TUT4: variants seen among roughly 807,000 people sequenced by gnomAD.
The protein encoded by TUT4 is terminal uridylyltransferase 4.
TUT4 carries 36 observed loss-of-function variants against 192.2 expected under a neutral mutation model. The observed-to-expected ratio is 0.19, with a 90% confidence interval of 0.14 to 0.25. The LOEUF is 0.25. TUT4 is among the 10% of genes least tolerant of loss of function. The pLI is 1.00. For missense variants in TUT4, 1,493 were observed against 1,957.2 expected, an observed-to-expected ratio of 0.76 and a Z score of 4.47; for synonymous variants, 618 against 666.0, an observed-to-expected ratio of 0.93 and a Z score of 1.11.
At chr1:52,489,744 T>C (rs1257088450) in intron 8 of TUT4, among the ~76,000 whole-genome samples, 1 of 152,198 alleles carries the variant, frequency 6.6e-6, no homozygotes. Context: ...TTTCCAATTA[T>C]AGTTTCCCCC....
intron 27 of TUT4, chr1:52,434,492 G>A (rs1480326260): frequency 6.6e-6 from 1 of 152,138 alleles, no homozygotes; most frequent in Non-Finnish European, 1.5e-5. Context: ...GAAGTACAAG[G>A]TGAATATAGA....
At chr1:52,428,664 G>C (rs866501749) in intron 28 of TUT4, among the ~76,000 whole-genome samples, 11 of 151,098 alleles carry the variant, frequency 7.3e-5, no homozygotes, top group African/African-American at 2.4e-4. Flanking sequence ...GGGCATGGTG[G>C]TGCGCACCTG....
chr1:52,435,898 T>A (rs748727040), intron 26 of TUT4, among the ~76,000 whole-genome samples: 46 of 150,324 alleles, frequency 3.1e-4, no homozygotes, highest in Admixed American at 5.3e-4. Context: ...AACAAGAGTC[T>A]GTCTCTCTCT....
intron 11 of TUT4, 29 bp from the exon 12 acceptor site, chr1:52,477,911 A>G: frequency 1.9e-6 from 3 of 1,547,926 alleles, no homozygotes; most frequent in Non-Finnish European, 2.6e-6. Context: ...TTTTCATTTA[A>G]GCTTAACAAA....
intron 24 of TUT4, among the ~76,000 whole-genome samples, chr1:52,441,282 CTTTTT>C (rs201555130): frequency 8.5e-6 from 1 of 118,222 alleles, no homozygotes. Flanking sequence ...GGGCATATGG[CTTTTT>C]TTTTTTTTTT....
chr1:52,493,134 A>G (rs1431970811), intron 7 of TUT4, among the ~76,000 whole-genome samples: 1 of 152,154 alleles, frequency 6.6e-6, no homozygotes, highest in Non-Finnish European at 1.5e-5. Flanking sequence ...CCCAGGCTGG[A>G]GTGTAGCAGC....
chr1:52,473,387 T>C (rs1161614445), intron 13 of TUT4, among the ~76,000 whole-genome samples: 2 of 152,172 alleles, frequency 1.3e-5, no homozygotes, highest in Admixed American at 6.5e-5. Context: ...TACTGTATTA[T>C]ATTCTTAAAT....
At chr1:52,425,242 T>A in intron 29 of TUT4, 107 bp downstream of exon 29, 1 of 1,354,488 alleles carries the variant, frequency 7.4e-7, no homozygotes, top group Admixed American at 2.3e-5. Context: ...CAGTAAATGT[T>A]TACTGAATTC....
chr1:52,490,698 T>C, intron 8 of TUT4, 34 bp downstream of exon 8: 2 of 1,572,846 alleles, frequency 1.3e-6, no homozygotes, highest in Non-Finnish European at 1.7e-6. Context: ...TTGGGGTTTG[T>C]TTTTTTAAAT....
At position 52,435,459 on chromosome 1, in the gene TUT4, T is replaced by G; in HGVS notation, c.4169A>C (p.Gln1390Pro). 3 of 1,614,086 alleles carry G rather than the reference T, an allele frequency of 1.9e-6. No individual in the cohort carries two copies. Among genetic ancestry groups the G allele is most frequent in the Non-Finnish European group, 2.5e-6 (3 of 1,179,944 alleles). ...AGCATTTACAAGGTTGCGGACCAGC[T>G]GGGCTGCTAAGAGAAGGCATCACAA... ...RQRNSSVAAA[Q>P]LVRNLVNAQQ... Residue 1390 changes from glutamine (Q) to proline (P), a missense_variant, in exon 27 of 30, where the codon CAG (glutamine) becomes CCG (proline). This residue lies in a region of TUT4 where 351 missense variants were observed against 397.8 expected (regional missense o/e 0.88). Transcript: ENST00000257177.
chr1:52,458,601 G>C (rs920595685), intron 19 of TUT4, 152 bp from the exon 20 acceptor site: 14 of 526,864 alleles, frequency 2.7e-5, no homozygotes, highest in Admixed American at 3.7e-5. Flanking sequence ...CAACACTCTG[G>C]GAGGTTGAGG....
intron 20 of TUT4, among the ~76,000 whole-genome samples, chr1:52,453,364 A>G (rs992403162): frequency 6.6e-6 from 1 of 151,896 alleles, no homozygotes; most frequent in Non-Finnish European, 1.5e-5. Context: ...CATGGGTGAC[A>G]AGAGCGAAAC....
At position 52,439,846 on chromosome 1, in the gene TUT4, T is replaced by C. The variant is rs895277293; in HGVS notation, c.3823-1511A>G. Among the ~76,000 whole-genome samples the C allele has an allele frequency of 2.0e-5, 3 of 152,192 alleles. No homozygotes were observed. The East Asian group carries it at 5.8e-4, about 29-fold the overall frequency. ...ATATTCACAACAGCATTATTCATAA[T>C]AGCCAAAAAGTAGAAACAACTCAAA... On this transcript the variant is annotated intron_variant, in intron 24 of 29. Transcript: ENST00000257177.
intron 9 of TUT4, among the ~76,000 whole-genome samples, chr1:52,484,979 A>G (rs1402169082): frequency 1.3e-5 from 2 of 152,168 alleles, no homozygotes; most frequent in Non-Finnish European, 2.9e-5. Flanking sequence ...GCTCTAGCAG[A>G]TATTATTATT....
chr1:52,544,122 C>A (rs1270679525), intron 1 of TUT4, among the ~76,000 whole-genome samples: 1 of 151,714 alleles, frequency 6.6e-6, no homozygotes, highest in African/African-American at 2.4e-5. Flanking sequence ...CCCGTCTCTA[C>A]TAAAAATACA....
rs777171145 is a variant in TUT4, at chr1:52,525,996, A to G, written c.285T>C (p.His95=). The G allele has an allele frequency of 1.9e-6, 3 of 1,614,148 alleles. No individual in the cohort carries two copies. The highest frequency in any genetic ancestry group is 2.5e-6 in the Non-Finnish European group (3 of 1,180,034). ...AATTAGGAAATTTTTTTGCTTTGCA[A>G]TGACTTTGATCTCGAAGGACTAACC... ...DLGLVLRDQS[H]CKAKKFPNSP... Residue 95 remains histidine (H), a synonymous_variant, in exon 2 of 30, where the codon CAT becomes CAC. Coordinates refer to ENST00000257177, the MANE Select transcript of TUT4 (RefSeq NM_001009881.3).
chr1:52,475,925 AC>A (rs970022384), intron 12 of TUT4, among the ~76,000 whole-genome samples: 1 of 151,770 alleles, frequency 6.6e-6, no homozygotes, highest in African/African-American at 2.4e-5. Flanking sequence ...GCTCACTGCA[AC>A]CTCTGCCTCC....
chr1:52,424,231 G>GA (rs1649034108), intron 29 of TUT4: 2 of 500,202 alleles, frequency 4.0e-6, no homozygotes, highest in South Asian at 2.4e-5. Context: ...GAATCAAAGG[G>GA]AAAAAACCCA....
At chr1:52,448,729 G>A (rs555812557) in intron 20 of TUT4, among the ~76,000 whole-genome samples, 4 of 152,034 alleles carry the variant, frequency 2.6e-5, no homozygotes, top group African/African-American at 9.6e-5. Context: ...AGATTCAGAC[G>A]CTATTATAGG....
Sources: allele counts gnomAD v4.1 joint callset (sites outside exome capture counted in the v4.1 genomes callset), GRCh38; gene constraint gnomAD v4.1.1; regional missense constraint gnomAD v4.1.1; transcripts MANE v1.5; gene names NCBI Gene and HGNC (gene_info 2026-07-23, HGNC 2026-07-21).